Variants in MICU1 observed in about 807,000 individuals in gnomAD.
MICU1 encodes the protein calcium uptake protein 1, mitochondrial.
In MICU1, 45 loss-of-function variants were observed where a neutral mutation model predicts 56.8. The ratio of observed to expected loss-of-function variants is 0.79; its 90% CI spans 0.62 to 1.02. The LOEUF is 1.02. Among genes scored for constraint, MICU1 ranks in the 50% least tolerant of loss-of-function variants. MICU1 has a pLI of 0.00. For synonymous variants in MICU1, 186 were observed against 195.1 expected (o/e 0.95, Z 0.39); for missense variants, 504 against 587.1 (o/e 0.86, Z 1.46).
intron 9 of MICU1, among the ~76,000 whole-genome samples, chr10:72,419,582 T>C (rs563077593): frequency 6.6e-6 from 1 of 152,310 alleles, no homozygotes; most frequent in African/African-American, 2.4e-5. Flanking sequence ...TCCACCAAGT[T>C]AGGGCAATGC....
At chr10:72,551,405 A>G in intron 3 of MICU1, 64 bp from the exon 4 acceptor site, 1 of 1,104,874 alleles carries the variant, frequency 9.1e-7, no homozygotes, top group South Asian at 2.4e-5. Context: ...ATATATTCTT[A>G]TCATCACTGC....
At chr10:72,570,406 T>A (rs940708332) in intron 1 of MICU1, among the ~76,000 whole-genome samples, 10 of 152,346 alleles carry the variant, frequency 6.6e-5, no homozygotes, top group African/African-American at 2.4e-4. Flanking sequence ...TTAAAATACT[T>A]AACCATTTTA....
chr10:72,603,819 AC>A (rs1841612119), intron 1 of MICU1, among the ~76,000 whole-genome samples: 1 of 152,158 alleles, frequency 6.6e-6, no homozygotes, highest in Non-Finnish European at 1.5e-5. Context: ...ACAAAACAAA[AC>A]AAACAAACAA....
At chr10:72,561,070 C>A (rs1394388090) in intron 3 of MICU1, among the ~76,000 whole-genome samples, 1 of 152,012 alleles carries the variant, frequency 6.6e-6, no homozygotes, top group Non-Finnish European at 1.5e-5. Context: ...AAACAATTAT[C>A]CTTGAACAGG....
At chr10:72,389,844 T>C (rs534787137) in intron 10 of MICU1, among the ~76,000 whole-genome samples, 3 of 152,310 alleles carry the variant, frequency 2.0e-5, no homozygotes, top group African/African-American at 4.8e-5. Flanking sequence ...TAGAAAGCCA[T>C]TGGGAAAGGA....
chr10:72,579,855 T>A (rs916795499), intron 1 of MICU1, among the ~76,000 whole-genome samples: 1 of 152,056 alleles, frequency 6.6e-6, no homozygotes, highest in African/African-American at 2.4e-5. Context: ...ATAAGGTGCA[T>A]ATGAAACATA....
intron 10 of MICU1, among the ~76,000 whole-genome samples, chr10:72,383,609 A>G (rs1862791775): frequency 2.0e-5 from 3 of 152,032 alleles, no homozygotes. Flanking sequence ...CCAGTTCCTT[A>G]TTTATTCTTA....
intron 6 of MICU1, among the ~76,000 whole-genome samples, chr10:72,491,597 C>G (rs996845475): frequency 6.6e-6 from 1 of 152,122 alleles, no homozygotes; most frequent in South Asian, 2.1e-4. Context: ...ACCTGTAATT[C>G]CAGCACTTTG....
At chr10:72,414,274 C>T (rs929671165) in intron 9 of MICU1, among the ~76,000 whole-genome samples, 4 of 152,146 alleles carry the variant, frequency 2.6e-5, no homozygotes, top group African/African-American at 9.7e-5. Flanking sequence ...ATACTATTTA[C>T]TCTTCTGCAA....
In MICU1 at chr10:72,441,746, A is replaced by G. The variant is rs1421174778; in HGVS notation, c.934-18375T>C. On this transcript the variant is annotated intron_variant, in intron 8 of 11. Coordinates refer to ENST00000361114, the MANE Select transcript of MICU1 (RefSeq NM_001195518.2). ...ATTCTTGTGCCTCAGCCTCCCAAGT[A>G]GCTGGGACTACAGGCATGCACCACT... Among the ~76,000 whole-genome samples, 5 of 150,262 alleles carry G rather than the reference A, an allele frequency of 3.3e-5. 1 individual carries two copies. The highest frequency in any genetic ancestry group is 1.2e-4 in the African/African-American group (5 of 40,742).
At chr10:72,520,257 T>C (rs914925351) in intron 5 of MICU1, among the ~76,000 whole-genome samples, 1 of 152,118 alleles carries the variant, frequency 6.6e-6, no homozygotes, top group African/African-American at 2.4e-5. Context: ...ATTATCTAGT[T>C]GGTGCATGGA....
intron 10 of MICU1, among the ~76,000 whole-genome samples, chr10:72,393,520 G>A (rs6480619): frequency 0.56 from 85,410 of 151,842 alleles, 24,915 homozygotes; most frequent in Non-Finnish European, 0.65. Context: ...TTTGGAATGT[G>A]AAAAGAACAA....
At chr10:72,560,869 C>A (rs1840279785) in intron 3 of MICU1, among the ~76,000 whole-genome samples, 1 of 151,868 alleles carries the variant, frequency 6.6e-6, no homozygotes, top group East Asian at 1.9e-4. Context: ...GACTCCATCT[C>A]AAAACAAACA....
chr10:72,489,049 G>A (rs766842989), intron 6 of MICU1, among the ~76,000 whole-genome samples: 3 of 152,162 alleles, frequency 2.0e-5, no homozygotes, highest in South Asian at 4.1e-4. Flanking sequence ...AGCACTTTGG[G>A]AGGCTGAGGC....
intron 8 of MICU1, among the ~76,000 whole-genome samples, chr10:72,456,691 TC>T (rs1487726523): frequency 6.6e-6 from 1 of 152,116 alleles, no homozygotes; most frequent in Non-Finnish European, 1.5e-5. Context: ...GTAATTTCTT[TC>T]TTTTTCTTTT....
At chr10:72,385,942 A>G (rs1862873315) in intron 10 of MICU1, among the ~76,000 whole-genome samples, 1 of 152,196 alleles carries the variant, frequency 6.6e-6, no homozygotes, top group South Asian at 2.1e-4. Flanking sequence ...GAGAGCAATG[A>G]CTGGCCAACA....
chr10:72,408,394 C>A (rs1209899212), intron 9 of MICU1, among the ~76,000 whole-genome samples: 1 of 152,112 alleles, frequency 6.6e-6, no homozygotes, highest in Admixed American at 6.5e-5. Context: ...CTGCAACCTC[C>A]GCCTCCTACG....
chr10:72,368,381 G>T (rs1225158966), intron 11 of MICU1, 26 bp from the exon 12 acceptor site: 1 of 1,605,268 alleles, frequency 6.2e-7, no homozygotes, highest in Non-Finnish European at 8.5e-7. Flanking sequence ...AAAACAACAG[G>T]GATAAGTGTT....
intron 1 of MICU1, among the ~76,000 whole-genome samples, chr10:72,587,624 CA>C (rs1361721988): frequency 3.3e-5 from 5 of 151,648 alleles, no homozygotes; most frequent in African/African-American, 1.2e-4. Flanking sequence ...ACAACGACAA[CA>C]ACAACAAAAT....
Sources: allele counts gnomAD v4.1 joint callset (sites outside exome capture counted in the v4.1 genomes callset), GRCh38; gene constraint gnomAD v4.1.1; transcripts MANE v1.5; gene names NCBI Gene and HGNC (gene_info 2026-07-23, HGNC 2026-07-21).